Variants in CPLANE1 observed in about 807,000 individuals in gnomAD.
The protein encoded by CPLANE1 is ciliogenesis and planar polarity effector 1.
Under a neutral mutation model 362.5 loss-of-function variants are expected in CPLANE1, and 263 were observed. That is an observed-to-expected ratio of 0.73 (90% CI 0.66 to 0.80). CPLANE1 has a LOEUF of 0.80. Ranked by LOEUF, CPLANE1 falls within the 30% of genes least tolerant of loss-of-function variation. The pLI is 0.00. For missense variants in CPLANE1, 3,461 were observed against 3,793.4 expected (o/e 0.91, Z 2.30); for synonymous variants, 1,212 against 1,302.6 (o/e 0.93, Z 1.50).
chr5:37,225,898 TAACTA>T (rs1306870822), intron 12 of CPLANE1, among the ~76,000 whole-genome samples: 1 of 150,396 alleles, frequency 6.6e-6, no homozygotes, highest in Non-Finnish European at 1.5e-5. Context: ...TAACAGTACT[TAACTA>T]AACCAAAATC....
rs1768909987 is a variant in CPLANE1 at position 37,139,329 on chromosome 5, A to C, written c.8663+11T>G. ...TAAAGAAAATTGTGAATTAACTCTT[A>C]AGATATTTACCTCTCACACAATTCA... On this transcript the variant is annotated intron_variant, in intron 45 of 52. Coordinates refer to ENST00000651892, the MANE Select transcript of CPLANE1 (RefSeq NM_001384732.1). 1 of 1,342,844 alleles carries C rather than the reference A, an allele frequency of 7.4e-7. No individual in the cohort carries two copies. 83.2% of individuals were successfully genotyped at this position (1,342,844 alleles called of 1,614,324 possible).
At chr5:37,118,145 G>C (rs148730251) in intron 50 of CPLANE1, among the ~76,000 whole-genome samples, 1 of 151,916 alleles carries the variant, frequency 6.6e-6, no homozygotes, top group Non-Finnish European at 1.5e-5. Flanking sequence ...CTGTAATCCC[G>C]GCACTTTGGG....
At chr5:37,082,649 T>A in the CPLANE1 span, among the ~76,000 whole-genome samples, 1 of 152,230 alleles carries the variant, frequency 6.6e-6, no homozygotes, top group African/African-American at 2.4e-5. Flanking sequence ...CTAAAATAAT[T>A]TCTTAATAAC....
chr5:37,124,772 C>G (rs1020089848), intron 47 of CPLANE1: 1 of 487,098 alleles, frequency 2.1e-6, no homozygotes, highest in Non-Finnish European at 2.7e-6. Flanking sequence ...CCAGGATGCT[C>G]TCAACTCTTG....
At chr5:37,082,687 T>C in the CPLANE1 span, among the ~76,000 whole-genome samples, 1,161 of 148,606 alleles carry the variant, frequency 7.8e-3, 5 homozygotes, top group Non-Finnish European at 0.01. Context: ...ATGTTACCTA[T>C]AAGAAACTTA....
chr5:37,226,730 ACAAGAT>A lies in CPLANE1; in HGVS notation c.1859_1864del (p.Asp620_Leu621del). ...ATTATGTCTTGAGCTTTTGCTTAAA[ACAAGAT>A]CAAGTTTAGGAAAAGGACATTTTAT... On this transcript the variant is annotated inframe_deletion, in exon 12 of 53. Coordinates refer to ENST00000651892, the MANE Select transcript of CPLANE1 (RefSeq NM_001384732.1). The A allele has an allele frequency of 6.5e-7, 1 of 1,545,184 alleles. No homozygotes were observed. The highest frequency in any genetic ancestry group is 8.7e-7 in the Non-Finnish European group (1 of 1,144,288).
chr5:37,226,669 C>T lies in CPLANE1; in HGVS notation c.1926G>A (p.Gln642=). 6.4e-7 allele frequency: 1 copy of T among 1,551,102 alleles called. No individual in the cohort carries two copies. The highest frequency in any genetic ancestry group is 1.7e-4 in the Middle Eastern group (1 of 5,988). ...WILCIFQLFH[Q]CLSIHYWDIR... is the part of the protein sequence containing the mutation. ...TATCCCAATAATGGATTGATAAACA[C>T]TGATGAAAAAGTTGAAAGATACAAA... Residue 642 remains glutamine (Q), a synonymous_variant, in exon 12 of 53, where the codon CAG becomes CAA. Transcript: ENST00000651892.
chr5:37,196,005 A>C lies in CPLANE1; in HGVS notation c.3673-9T>G. The C allele has an allele frequency of 6.3e-7, 1 of 1,590,796 alleles. No homozygotes were observed. The highest frequency in any genetic ancestry group is 2.3e-5 in the East Asian group (1 of 44,202). On this transcript the variant is annotated splice_polypyrimidine_tract_variant and intron_variant, in intron 20 of 52. Transcript: ENST00000651892. ...GATCCTTTCATTCGAATCTAAAAGT[A>C]AAGAATAACCGAACATGTTAATTAT...
chr5:37,207,015 G>T (rs1319679094), intron 16 of CPLANE1, among the ~76,000 whole-genome samples: 2 of 152,200 alleles, frequency 1.3e-5, no homozygotes, highest in African/African-American at 2.4e-5. Flanking sequence ...TTACAAAGCA[G>T]AAAAGTGTGA....
At chr5:37,123,922 G>A (rs1046184100) in intron 47 of CPLANE1, among the ~76,000 whole-genome samples, 3 of 125,774 alleles carry the variant, frequency 2.4e-5, no homozygotes, top group African/African-American at 1.0e-4. Flanking sequence ...CATTAGGCTA[G>A]GGGAACATAC....
intron 5 of CPLANE1, among the ~76,000 whole-genome samples, chr5:37,243,513 C>T (rs1279603197): frequency 6.6e-6 from 1 of 151,536 alleles, no homozygotes; most frequent in African/African-American, 2.4e-5. Context: ...AATGCTGGTC[C>T]ACACATACGA....
At position 37,148,353 on chromosome 5, in the gene CPLANE1, C is replaced by CT. The variant is rs1486341520; in HGVS notation, c.8374-86dup. The CT allele has an allele frequency of 4.0e-5, 38 of 955,338 alleles. No individual in the cohort carries two copies. In the African/African-American group the frequency reaches 5.5e-4, roughly 14 times the overall value. 59.2% of individuals were successfully genotyped at this position (955,338 alleles called of 1,614,324 possible). On this transcript the variant is annotated intron_variant, in intron 42 of 52. Transcript: ENST00000651892. ...AACAGTTTTATGTAAGTTTTAAACA[C>CT]TTGCATTAATGCAAAAGTGAAAAAA...
At position 37,227,673 on chromosome 5, in the gene CPLANE1, G is replaced by C; in HGVS notation, c.1266C>G (p.Thr422=). The change falls in exon 10 of 53, where the codon ACC becomes ACG. Residue 422 remains threonine (T), a synonymous_variant. Coordinates refer to ENST00000651892, the MANE Select transcript of CPLANE1 (RefSeq NM_001384732.1). Reference sequence around the variant, plus strand: ...GAGATAGGCTATCAAGAAATCGAAGGGTTGTGACCATATATCCATCAGATA... The same window carrying C: ...GAGATAGGCTATCAAGAAATCGAAGCGTTGTGACCATATATCCATCAGATA... The part of the protein sequence containing the change: ...LVISDGYMVT[T]LRFLDSLSPS... 6.4e-7 allele frequency: 1 copy of C among 1,551,394 alleles called. No homozygotes were observed. Among genetic ancestry groups the C allele is most frequent in the Non-Finnish European group, 8.7e-7 (1 of 1,146,882 alleles).
At chr5:37,202,795 C>A (rs1341990859) in intron 18 of CPLANE1, among the ~76,000 whole-genome samples, 1 of 152,058 alleles carries the variant, frequency 6.6e-6, no homozygotes, top group African/African-American at 2.4e-5. Context: ...AGCCACTATC[C>A]AGCATTTGGT....
intron 25 of CPLANE1, 40 bp from the exon 26 acceptor site, chr5:37,183,739 T>C (rs2151159669): frequency 7.5e-7 from 1 of 1,337,784 alleles, no homozygotes; most frequent in Non-Finnish European, 1.0e-6. Flanking sequence ...TTAGAGATCA[T>C]TTAATCACTA....
intron 44 of CPLANE1, chr5:37,140,490 A>G: frequency 3.0e-6 from 3 of 984,292 alleles, no homozygotes; most frequent in Non-Finnish European, 3.6e-6. Flanking sequence ...CGTAATAGTA[A>G]TAGTTCTACC....
At chr5:37,090,103 G>C in the CPLANE1 span, among the ~76,000 whole-genome samples, 1 of 152,050 alleles carries the variant, frequency 6.6e-6, no homozygotes, top group Non-Finnish European at 1.5e-5. Flanking sequence ...ACCTCAGAAG[G>C]TTAAATTAAA....
At chr5:37,228,368 T>C (rs1046741249) in intron 9 of CPLANE1, among the ~76,000 whole-genome samples, 9 of 152,176 alleles carry the variant, frequency 5.9e-5, no homozygotes, top group Non-Finnish European at 1.0e-4. Flanking sequence ...AGTTGGGGCT[T>C]TACAAATATA....
chr5:37,125,354 T>G lies in CPLANE1; in HGVS notation c.8848A>C (p.Ile2950Leu). ...CGTTTTCTTTTCATCCAGGCTTGAATCTCTCTTCTTTCCTTGTCAGTTCTT... is the reference window on the plus strand; with the variant it reads ...CGTTTTCTTTTCATCCAGGCTTGAAGCTCTCTTCTTTCCTTGTCAGTTCTT... The part of the protein sequence containing the change: ...SQRTDKERRE[I>L]QAWMKRKRKE... Residue 2950 changes from isoleucine (I) to leucine (L), a missense_variant, in exon 47 of 53, where the codon ATT becomes CTT. This residue lies in a region of CPLANE1 where 3,380 missense variants were observed against 3,666.1 expected (regional missense o/e 0.92). Transcript: ENST00000651892. The G allele has an allele frequency of 6.2e-7, 1 of 1,613,920 alleles. No individual in the cohort carries two copies. Among genetic ancestry groups the G allele is most frequent in the Non-Finnish European group, 8.5e-7 (1 of 1,179,952 alleles).
Sources: gnomAD v4.1 joint callset for allele counts (sites outside exome capture counted in the v4.1 genomes callset) on GRCh38, gnomAD v4.1.1 for gene constraint, gnomAD v4.1.1 regional missense constraint, MANE v1.5 for transcripts, NCBI Gene and HGNC (gene_info 2026-07-23, HGNC 2026-07-21) for gene names.